Variants in ZPBP observed in about 807,000 individuals in gnomAD.
ZPBP encodes zona pellucida binding protein, also known as zona pellucida-binding protein 1.
ZPBP carries 26 observed loss-of-function variants against 44.8 expected under a neutral mutation model. The ratio of observed to expected loss-of-function variants is 0.58; its 90% CI spans 0.43 to 0.81. ZPBP has a LOEUF of 0.81. Among genes scored for constraint, ZPBP ranks in the 30% least tolerant of loss-of-function variants. ZPBP has a pLI of 0.00. For synonymous variants in ZPBP, 174 were observed against 153.2 expected (o/e 1.14, Z -1.00); for missense variants, 409 against 434.0 (o/e 0.94, Z 0.51).
chr7:49,969,698 T>G (rs1023693599), intron 7 of ZPBP, among the ~76,000 whole-genome samples: 3 of 151,862 alleles, frequency 2.0e-5, no homozygotes, highest in Non-Finnish European at 2.9e-5. Flanking sequence ...TACAAAAATG[T>G]TAGCAAACAG....
At position 50,084,207 on chromosome 7, in the gene ZPBP, C is replaced by A. The variant is rs150649168; in HGVS notation, c.209-2308G>T. On this transcript the variant is annotated intron_variant, in intron 2 of 7. Transcript: ENST00000046087. ...GATAAGGATGTGGGAAAATGGGACC[C>A]CCTCAAGCACCACTGAAGGAAGTGT... Among the ~76,000 whole-genome samples, 1,222 of 151,678 alleles carry A rather than the reference C, an allele frequency of 8.1e-3. 18 individuals carry two copies. Among genetic ancestry groups the A allele is most frequent in the South Asian group, 0.068 (325 of 4,812 alleles).
At chr7:49,845,651 A>G (rs1789923585), downstream of ZPBP, among the ~76,000 whole-genome samples, 1 of 151,266 alleles carries the variant, frequency 6.6e-6, no homozygotes, top group Non-Finnish European at 1.5e-5. Context: ...ACTTTAAAAT[A>G]CCAACCTTCG....
intron 7 of ZPBP, among the ~76,000 whole-genome samples, chr7:49,960,012 T>C (rs1423579923): frequency 6.6e-6 from 1 of 152,210 alleles, no homozygotes; most frequent in Non-Finnish European, 1.5e-5. Context: ...TACTGGATCA[T>C]TAAGATATGA....
At chr7:50,031,000 A>G (rs1676521925) in intron 5 of ZPBP, 92 bp downstream of exon 5, 7 of 1,071,628 alleles carry the variant, frequency 6.5e-6, no homozygotes, top group Non-Finnish European at 1.0e-5. Context: ...GTTTATGTTT[A>G]TATCATAAAA....
chr7:50,031,771 T>C (rs994780250), intron 4 of ZPBP, among the ~76,000 whole-genome samples: 5 of 152,098 alleles, frequency 3.3e-5, no homozygotes, highest in Admixed American at 6.6e-5. Context: ...AAAATATATG[T>C]TTCTAATAAA....
chr7:49,876,227 C>T (rs867223904), intron 2 of ZPBP, among the ~76,000 whole-genome samples: 2 of 151,978 alleles, frequency 1.3e-5, no homozygotes, highest in South Asian at 4.2e-4. Context: ...AGTAAGATAC[C>T]GAAATGTTTT....
intron 2 of ZPBP, among the ~76,000 whole-genome samples, chr7:49,858,666 G>GCA (rs1337763644): frequency 6.6e-6 from 1 of 151,700 alleles, no homozygotes; most frequent in South Asian, 2.1e-4. Flanking sequence ...TAACAAACCT[G>GCA]CGTTGTGCAC....
rs1562821386 is a variant in ZPBP at position 49,982,283 on chromosome 7, TTA to T, written c.961+1057_961+1058del. ...ATTATATATTATATATAATTTATAA[TTA>T]TACATAATATATATAATATATAATT... is the stretch of plus-strand genomic sequence containing the variant. On this transcript the variant is annotated intron_variant, in intron 7 of 7. Coordinates refer to ENST00000046087, the MANE Select transcript of ZPBP (RefSeq NM_007009.3). 1.2e-4 allele frequency among the ~76,000 whole-genome samples: 12 copies of T among 100,524 alleles called. No homozygotes were observed. The East Asian group carries it at 2.7e-3, about 22-fold the overall frequency. The allele number at this position is 100,524 out of a possible 152,430, so 65.9% of individuals were successfully genotyped here. A position where few individuals can be genotyped will look rare whatever the true frequency, so the allele number is the denominator to read the frequency against.
At chr7:49,983,994 A>G (rs1036139724) in intron 6 of ZPBP, among the ~76,000 whole-genome samples, 6 of 152,210 alleles carry the variant, frequency 3.9e-5, no homozygotes. Flanking sequence ...AAAATAAAGC[A>G]TCATTCTGAT....
At position 50,048,089 on chromosome 7, in the gene ZPBP, C is replaced by T. The variant is rs139241697; in HGVS notation, c.487+9900G>A. Among the ~76,000 whole-genome samples, 115 of 151,216 alleles carry T rather than the reference C, an allele frequency of 7.6e-4. 1 individual carries two copies. Among genetic ancestry groups the T allele is most frequent in the Middle Eastern group, 6.8e-3 (2 of 292 alleles). On this transcript the variant is annotated intron_variant, in intron 4 of 7. Transcript: ENST00000046087. ...TATCTTTCTCAAGAAAAATAGAATACGCTTCTCCTACAGAGTCAGGTACAA... is the reference window on the plus strand; with the variant it reads ...TATCTTTCTCAAGAAAAATAGAATATGCTTCTCCTACAGAGTCAGGTACAA...
chr7:50,092,369 T>C (rs1003305306), intron 1 of ZPBP, among the ~76,000 whole-genome samples: 1 of 152,226 alleles, frequency 6.6e-6, no homozygotes, highest in Admixed American at 6.5e-5. Context: ...CACAAACCTT[T>C]TACATTTATA....
intron 6 of ZPBP, among the ~76,000 whole-genome samples, chr7:50,006,716 A>C (rs555814305): frequency 2.6e-5 from 4 of 152,168 alleles, no homozygotes; most frequent in African/African-American, 9.6e-5. Context: ...AGCAGAGATA[A>C]ACAAAATAGA....
Position 49,985,499 on chromosome 7 carries a change from T to A in ZPBP, c.784-1980A>T, listed in dbSNP as rs141252428. Among the ~76,000 whole-genome samples, 265 of 152,274 alleles carry A rather than the reference T, an allele frequency of 1.7e-3. 3 individuals carry two copies. Among genetic ancestry groups the A allele is most frequent in the African/African-American group, 6.0e-3 (248 of 41,548 alleles). On this transcript the variant is annotated intron_variant, in intron 6 of 7. Transcript: ENST00000046087. ...TAAAATACTTCTGGTTCCAACCATT[T>A]CAGATAAAGGATACTCAAAATATGT...
chr7:49,961,717 T>A lies in ZPBP; in HGVS notation c.961+21625A>T, dbSNP rs115838234. On this transcript the variant is annotated intron_variant, in intron 7 of 7. Coordinates refer to ENST00000046087, the MANE Select transcript of ZPBP (RefSeq NM_007009.3). ...TATTCGTGATCCCAATAAGTGTTAATAGCATAAAATTTTTAATTAGGATAA... is the reference window on the plus strand; with the variant it reads ...TATTCGTGATCCCAATAAGTGTTAAAAGCATAAAATTTTTAATTAGGATAA... 7.5e-3 allele frequency among the ~76,000 whole-genome samples: 1,148 copies of A among 152,234 alleles called. 24 individuals carry two copies. Among genetic ancestry groups the A allele is most frequent in the African/African-American group, 0.026 (1,088 of 41,550 alleles).
chr7:49,991,549 AG>A (rs757789488), intron 6 of ZPBP, among the ~76,000 whole-genome samples: 5 of 152,156 alleles, frequency 3.3e-5, no homozygotes, highest in Admixed American at 6.5e-5. Flanking sequence ...TCAATCCTGA[AG>A]CAAAAAGCAA....
At chr7:50,063,624 G>A (rs770643651) in intron 3 of ZPBP, among the ~76,000 whole-genome samples, 7 of 151,826 alleles carry the variant, frequency 4.6e-5, no homozygotes, top group Non-Finnish European at 1.0e-4. Context: ...CAAAGAATCC[G>A]GGGACCACCT....
intron 6 of ZPBP, among the ~76,000 whole-genome samples, chr7:50,017,749 A>G (rs1039967347): frequency 5.9e-5 from 9 of 152,152 alleles, no homozygotes; most frequent in African/African-American, 2.2e-4. Context: ...ATTGTCATAA[A>G]TTCATTGAAC....
At chr7:49,848,158 G>C (rs1385204525), downstream of ZPBP, among the ~76,000 whole-genome samples, 5 of 152,160 alleles carry the variant, frequency 3.3e-5, no homozygotes, top group Non-Finnish European at 7.4e-5. Flanking sequence ...GTGGGGGCTG[G>C]GGAGGCTGCA....
At chr7:49,882,720 C>T (rs1441778107) in intron 2 of ZPBP, among the ~76,000 whole-genome samples, 5 of 152,236 alleles carry the variant, frequency 3.3e-5, no homozygotes, top group Admixed American at 2.6e-4. Flanking sequence ...CAATGTGTAA[C>T]CTTCCTAAGG....
Sources: allele counts gnomAD v4.1 joint callset (sites outside exome capture counted in the v4.1 genomes callset), GRCh38; gene constraint gnomAD v4.1.1; transcripts MANE v1.5; gene names NCBI Gene and HGNC (gene_info 2026-07-23, HGNC 2026-07-21).